The following SKOR1 variants were observed in gnomAD, a reference collection of about 807,000 sequenced individuals.
SKOR1 encodes SKI family transcriptional corepressor 1, also known as LBX1 corepressor 1.
SKOR1 carries 38 observed loss-of-function variants against 72.4 expected under a neutral mutation model. The observed-to-expected ratio is 0.52, with a 90% CI of 0.40 to 0.69. SKOR1 has a LOEUF of 0.69. Among genes scored for constraint, SKOR1 ranks in the 30% least tolerant of loss-of-function variants. The probability of loss-of-function intolerance (pLI) is 0.00; values close to 1 mark genes in which losing one functional copy is unlikely to be tolerated. For synonymous variants in SKOR1, 642 were observed against 599.4 expected, an observed-to-expected ratio of 1.07 and a Z score of -1.04; for missense variants, 1,320 against 1,343.2, an observed-to-expected ratio of 0.98 and a Z score of 0.27.
rs1485913824 is a variant in SKOR1 at position 67,832,298 on chromosome 15, A to T, written c.2612A>T (p.Glu871Val). The T allele has an allele frequency of 6.2e-7, 1 of 1,614,128 alleles. No individual in the cohort carries two copies. Among genetic ancestry groups the T allele is most frequent in the Non-Finnish European group, 8.5e-7 (1 of 1,180,024 alleles). ...GAGGAATTGCAAAAACTGCTCCTGG[A>T]ACAAATGGAGCTCCGCAAGAAGCTG... Reference protein sequence around the residue: ...AREELQKLLLEQMELRKKLER... With the variant: ...AREELQKLLLVQMELRKKLER... The change falls in exon 6 of 9, where the codon GAA (glutamate) becomes GTA (valine). Residue 871 changes from glutamate to valine, a missense_variant. Coordinates refer to ENST00000380035, the MANE Select transcript of SKOR1 (RefSeq NM_001365915.1). The surrounding 1 kb of genome is among the most constrained non-coding windows in gnomAD (Gnocchi z 4.5).
Position 67,833,366 on chromosome 15 carries a change from C to A in SKOR1, c.2803+109C>A. 8.7e-7 allele frequency: 1 copy of A among 1,150,656 alleles called. No homozygotes were observed. The highest frequency in any genetic ancestry group is 1.5e-5 in the African/African-American group (1 of 65,798). 71.3% of individuals were successfully genotyped at this position (1,150,656 alleles called of 1,614,324 possible). ...GAGGAAGGCCACGATCCACGTGGAT[C>A]AGGATCTGTGAGGGAGAAAAGTGGG... On this transcript the variant is annotated intron_variant, in intron 8 of 8. Transcript: ENST00000380035. The surrounding 1 kb of genome is among the most constrained non-coding windows in gnomAD (Gnocchi z 6.0).
rs554329550 is a variant in SKOR1, at chr15:67,830,336, C to G, written c.2515+38C>G. The G allele has an allele frequency of 3.3e-5, 52 of 1,596,726 alleles. No individual in the cohort carries two copies. In the Admixed American group the frequency reaches 7.0e-4, roughly 22 times the overall value. On this transcript the variant is annotated intron_variant, in intron 4 of 8. Coordinates refer to ENST00000380035, the MANE Select transcript of SKOR1 (RefSeq NM_001365915.1). Reference sequence around the variant, plus strand: ...TTGAACCCATCGCTCTCCACCGCACCCAGGAGCTGGGACCCAGGTCGCCCA... The same window carrying G: ...TTGAACCCATCGCTCTCCACCGCACGCAGGAGCTGGGACCCAGGTCGCCCA...
chr15:67,833,527 C>A lies in SKOR1; in HGVS notation c.2804-215C>A, dbSNP rs1685452083. On this transcript the variant is annotated intron_variant, in intron 8 of 8. Coordinates refer to ENST00000380035, the MANE Select transcript of SKOR1 (RefSeq NM_001365915.1). This position sits in a 1 kb window ranked among gnomAD's most constrained non-coding sequence, Gnocchi z 6.0. ...GCAGGTTGACTCCTCTCTTACTGTG[C>A]CTCAGTTTCCTTTTCTGTAAAATGG... is the stretch of plus-strand genomic sequence containing the variant. Among the ~76,000 whole-genome samples the A allele has an allele frequency of 1.3e-5, 2 of 152,198 alleles. No individual in the cohort carries two copies. The highest frequency in any genetic ancestry group is 1.3e-4 in the Admixed American group (2 of 15,280).
intron 2 of SKOR1, 112 bp from the exon 3 acceptor site, chr15:67,829,067 C>T (rs982000004): frequency 6.1e-6 from 6 of 977,928 alleles, no homozygotes; most frequent in South Asian, 1.7e-5. Context: ...AGCGGGCGCA[C>T]CAACCTTTGC....
chr15:67,828,161 C>G lies in SKOR1; in HGVS notation c.2316+17C>G. 1 of 1,424,104 alleles carries G rather than the reference C, an allele frequency of 7.0e-7. No homozygotes were observed. The highest frequency in any genetic ancestry group is 9.1e-7 in the Non-Finnish European group (1 of 1,101,510). The allele number at this position is 1,424,104 out of a possible 1,614,324, so 88.2% of individuals were successfully genotyped here. On this transcript the variant is annotated intron_variant, in intron 2 of 8. Coordinates refer to ENST00000380035, the MANE Select transcript of SKOR1 (RefSeq NM_001365915.1). Reference sequence around the variant, plus strand: ...CCGGCCAAGGTGAGCCCCGCGCCCGCCCCGCCAGTGGCGCCTTCCCACCTA... The same window carrying G: ...CCGGCCAAGGTGAGCCCCGCGCCCGGCCCGCCAGTGGCGCCTTCCCACCTA...
In SKOR1 at chr15:67,827,006, TCCCCCATCCTTA is replaced by T; in HGVS notation, c.1180_1191del (p.Pro394_Tyr397del). The stretch of plus-strand genomic sequence containing the variant: ...CTGCAAAAGCTGCCCCCACCACTTT[TCCCCCATCCTTA>T]CGGCTTCCCTACGGCCTTCGGCCTA... On this transcript the variant is annotated inframe_deletion, in exon 2 of 9. Transcript: ENST00000380035. The T allele has an allele frequency of 6.3e-7, 1 of 1,593,920 alleles. No homozygotes were observed. Among genetic ancestry groups the T allele is most frequent in the Non-Finnish European group, 8.5e-7 (1 of 1,177,788 alleles).
In SKOR1 at chr15:67,827,871, C is replaced by T; in HGVS notation, c.2043C>T (p.Ser681=). The T allele has an allele frequency of 1.2e-6, 2 of 1,600,982 alleles. No homozygotes were observed. The highest frequency in any genetic ancestry group is 1.7e-6 in the Non-Finnish European group (2 of 1,174,732). The change falls in exon 2 of 9, where the codon AGC becomes AGT. Residue 681 remains serine (S), a synonymous_variant. Transcript: ENST00000380035. ...DEDAQEETEP[S]APSAGGGPDG... ...ACGCCCAAGAGGAGACCGAGCCCAG[C>T]GCACCCAGCGCAGGGGGCGGCCCAG...
chr15:67,826,030 G>A lies in SKOR1; in HGVS notation c.202G>A (p.Gly68Ser). ...CAAGCAGGAGCTGCAGCCGTACTCGGGCTCCAGCGCTCTCAAACCCAACCA... is the reference window on the plus strand; with the variant it reads ...CAAGCAGGAGCTGCAGCCGTACTCGAGCTCCAGCGCTCTCAAACCCAACCA... ...NSKQELQPYS[G>S]SSALKPNQVG... The change falls in exon 2 of 9, where the codon GGC becomes AGC. Residue 68 changes from glycine (G) to serine (S), a missense_variant. Gly to Ser is a moderately conservative substitution (Grantham distance 56). This residue lies in a region of SKOR1 where 120 missense variants were observed against 104.9 expected (regional missense o/e 1.14). Transcript: ENST00000380035. The A allele has an allele frequency of 6.4e-7, 1 of 1,568,962 alleles. No homozygotes were observed. Among genetic ancestry groups the A allele is most frequent in the Non-Finnish European group, 8.7e-7 (1 of 1,153,608 alleles).
At chr15:67,829,848 C>T (rs965737044) in intron 3 of SKOR1, among the ~76,000 whole-genome samples, 1 of 152,228 alleles carries the variant, frequency 6.6e-6, no homozygotes, top group African/African-American at 2.4e-5. Context: ...GCCGCGTTCT[C>T]AGCAGGAGTC....
At position 67,833,933 on chromosome 15, in the gene SKOR1, C is replaced by A; in HGVS notation, c.*97C>A. 7.4e-7 allele frequency: 1 copy of A among 1,344,528 alleles called. No individual in the cohort carries two copies. The highest frequency in any genetic ancestry group is 1.7e-5 in the Admixed American group (1 of 57,952). The allele number at this position is 1,344,528 out of a possible 1,614,324, so 83.3% of individuals were successfully genotyped here. A position where few individuals can be genotyped will look rare whatever the true frequency, so the allele number is the denominator to read the frequency against. On this transcript the variant is annotated 3_prime_UTR_variant, in exon 9 of 9. Transcript: ENST00000380035. The surrounding 1 kb of genome is among the most constrained non-coding windows in gnomAD (Gnocchi z 6.0). ...CTGAGCGAGGAACAAGCCATTCGGA[C>A]CCGACCGATGTAAATACAGCCGCCC...
In SKOR1 at chr15:67,834,145, G is replaced by A; in HGVS notation, c.*309G>A. On this transcript the variant is annotated 3_prime_UTR_variant, in exon 9 of 9. Transcript: ENST00000380035. The surrounding 1 kb of genome is among the most constrained non-coding windows in gnomAD (Gnocchi z 5.8). ...GACAGACGGGGGGCGGGAGGGGAGA[G>A]CGCCCCCTCCCATTGTATAGCCTTG... is the stretch of plus-strand genomic sequence containing the variant. 1 of 460,152 alleles carries A rather than the reference G, an allele frequency of 2.2e-6. No homozygotes were observed. The allele number at this position is 460,152 out of a possible 1,614,324, so 28.5% of individuals were successfully genotyped here.
chr15:67,832,437 A>G lies in SKOR1; in HGVS notation c.2662+89A>G, dbSNP rs896819851. ...CTACTCCGAAAGCCGGGTGCCAGGC[A>G]ACTGGTACTAGGTGCCCTGCAGGAG... On this transcript the variant is annotated intron_variant, in intron 6 of 8. Transcript: ENST00000380035. This position sits in a 1 kb window ranked among gnomAD's most constrained non-coding sequence, Gnocchi z 4.5. 1 of 1,449,684 alleles carries G rather than the reference A, an allele frequency of 6.9e-7. No individual in the cohort carries two copies. The highest frequency in any genetic ancestry group is 1.4e-5 in the African/African-American group (1 of 71,782). The allele number at this position is 1,449,684 out of a possible 1,614,324, so 89.8% of individuals were successfully genotyped here. A position where few individuals can be genotyped will look rare whatever the true frequency, so the allele number is the denominator to read the frequency against.
Position 67,827,122 on chromosome 15 carries a change from G to T in SKOR1, c.1294G>T (p.Ala432Ser). 1 of 1,408,672 alleles carries T rather than the reference G, an allele frequency of 7.1e-7. No homozygotes were observed. The allele number at this position is 1,408,672 out of a possible 1,614,324, so 87.3% of individuals were successfully genotyped here. A position where few individuals can be genotyped will look rare whatever the true frequency, so the allele number is the denominator to read the frequency against. The stretch of plus-strand genomic sequence containing the variant: ...TGGCACTGGGAGCGGCGGCGGCGGC[G>T]CGGGGACAGGCGGGGGTGCGGGGGG... ...GPGTGSGGGG[A>S]GTGGGAGGPG... Residue 432 changes from alanine (A) to serine (S), a missense_variant, in exon 2 of 9, where the codon GCG (alanine) becomes TCG (serine). Transcript: ENST00000380035.
In SKOR1 at chr15:67,827,403, G is replaced by A. The variant is rs80000622; in HGVS notation, c.1575G>A (p.Ala525=). The change falls in exon 2 of 9, where the codon GCG becomes GCA. Residue 525 remains alanine, a synonymous_variant. Transcript: ENST00000380035. ...AAVAAAAAAA[A]AAAGSGAPEP... is the part of the protein sequence containing the mutation. ...TGGCGGCGGCAGCGGCGGCGGCAGC[G>A]GCAGCTGCTGGCAGCGGTGCCCCAG... The A allele has an allele frequency of 0.095, 145,408 of 1,527,220 alleles. 7,369 individuals are homozygous for A. The highest frequency in any genetic ancestry group is 0.098 in the Non-Finnish European group (112,334 of 1,144,644). 94.6% of individuals were successfully genotyped at this position (1,527,220 alleles called of 1,614,324 possible). A position where few individuals can be genotyped will look rare whatever the true frequency, so the allele number is the denominator to read the frequency against.
rs972461654 is a variant in SKOR1 at position 67,827,696 on chromosome 15, G to A, written c.1868G>A (p.Gly623Glu). ...GCGTACGGCGCGGGGCCTGCTCGGG[G>A]GCCGGGACCCGGCGCTGGGAGCGGC... ...REAYGAGPAR[G>E]PGPGAGSGGY... Residue 623 changes from glycine (G) to glutamate (E), a missense_variant, in exon 2 of 9, where the codon GGG becomes GAG. By Grantham distance (98) the Gly-to-Glu change is moderately conservative (BLOSUM62 -2). This residue lies in a region of SKOR1 where 1,099 missense variants were observed against 1,025.5 expected (regional missense o/e 1.07). Transcript: ENST00000380035. The A allele has an allele frequency of 2.0e-6, 3 of 1,537,722 alleles. No individual in the cohort carries two copies. The highest frequency in any genetic ancestry group is 1.7e-4 in the Middle Eastern group (1 of 5,890).
Position 67,827,404 on chromosome 15 carries a change from G to A in SKOR1, c.1576G>A (p.Ala526Thr). The A allele has an allele frequency of 6.6e-7, 1 of 1,526,218 alleles. No individual in the cohort carries two copies. The highest frequency in any genetic ancestry group is 8.7e-7 in the Non-Finnish European group (1 of 1,143,980). 94.5% of individuals were successfully genotyped at this position (1,526,218 alleles called of 1,614,324 possible). The change falls in exon 2 of 9, where the codon GCA (alanine) becomes ACA (threonine). Residue 526 changes from alanine to threonine, a missense_variant. This residue lies in a region of SKOR1 where 1,099 missense variants were observed against 1,025.5 expected (regional missense o/e 1.07). Transcript: ENST00000380035. ...GGCGGCGGCAGCGGCGGCGGCAGCG[G>A]CAGCTGCTGGCAGCGGTGCCCCAGA... is the stretch of plus-strand genomic sequence containing the variant. ...AVAAAAAAAAAAAGSGAPEPL... is the reference protein window; with the variant it reads ...AVAAAAAAAATAAGSGAPEPL...
rs2091019992 is a variant in SKOR1 at position 67,832,961 on chromosome 15, T to C, written c.2738-231T>C. On this transcript the variant is annotated intron_variant, in intron 7 of 8. Coordinates refer to ENST00000380035, the MANE Select transcript of SKOR1 (RefSeq NM_001365915.1). This position sits in a 1 kb window ranked among gnomAD's most constrained non-coding sequence, Gnocchi z 4.5. ...AGGCGTAAAATTACCTGGGAAGTAA[T>C]GCCTAAGTTTGCTTTAATTTTGGTT... 1 of 600,350 alleles carries C rather than the reference T, an allele frequency of 1.7e-6. No homozygotes were observed. Among genetic ancestry groups the C allele is most frequent in the Non-Finnish European group, 2.9e-6 (1 of 339,890 alleles). The allele number at this position is 600,350 out of a possible 1,614,324, so 37.2% of individuals were successfully genotyped here. A position where few individuals can be genotyped will look rare whatever the true frequency, so the allele number is the denominator to read the frequency against.
chr15:67,825,745 G>A lies in SKOR1; in HGVS notation c.107+36G>A, dbSNP rs770954351. 12 of 979,156 alleles carry A rather than the reference G, an allele frequency of 1.2e-5. No homozygotes were observed. The East Asian group carries it at 2.6e-4, about 21-fold the overall frequency. The allele number at this position is 979,156 out of a possible 1,614,324, so 60.7% of individuals were successfully genotyped here. ...CCCCTTCTCCTCCCCCAAGCCCCGG[G>A]GGCTGTTGTTAACGGCGCCAACATG... On this transcript the variant is annotated intron_variant, in intron 1 of 8. Coordinates refer to ENST00000380035, the MANE Select transcript of SKOR1 (RefSeq NM_001365915.1). The surrounding 1 kb of genome is among the most constrained non-coding windows in gnomAD (Gnocchi z 5.6).
Position 67,827,525 on chromosome 15 carries a change from G to T in SKOR1, c.1697G>T (p.Gly566Val), listed in dbSNP as rs1185669014. The change falls in exon 2 of 9, where the codon GGC becomes GTC. Residue 566 changes from glycine (G) to valine (V), a missense_variant. Gly to Val is a moderately radical substitution (Grantham distance 109, BLOSUM62 -3). This residue lies in a region of SKOR1 where 1,099 missense variants were observed against 1,025.5 expected (regional missense o/e 1.07). Transcript: ENST00000380035. ...ALSRGPLDED[G>V]TDEALPPPLA... ...TCCCGCGGGCCCCTGGACGAAGACG[G>T]CACGGACGAGGCGCTGCCACCGCCC... The T allele has an allele frequency of 3.9e-6, 6 of 1,522,578 alleles. No individual in the cohort carries two copies. Among genetic ancestry groups the T allele is most frequent in the Non-Finnish European group, 5.3e-6 (6 of 1,142,014 alleles). The allele number at this position is 1,522,578 out of a possible 1,614,324, so 94.3% of individuals were successfully genotyped here. A position where few individuals can be genotyped will look rare whatever the true frequency, so the allele number is the denominator to read the frequency against.
Sources: allele counts gnomAD v4.1 joint callset (sites outside exome capture counted in the v4.1 genomes callset), GRCh38; gene constraint gnomAD v4.1.1; regional missense constraint gnomAD v4.1.1; non-coding constraint Gnocchi (gnomAD v3.1); transcripts MANE v1.5; gene names NCBI Gene and HGNC (gene_info 2026-07-23, HGNC 2026-07-21).